MSRA: variants seen among roughly 807,000 people sequenced by gnomAD.
MSRA encodes mitochondrial peptide methionine sulfoxide reductase.
In MSRA, 54 loss-of-function variants were observed where a neutral mutation model predicts 31.3. The observed-to-expected ratio is 1.73, with a 90% CI of 1.39 to 2.17. The LOEUF (loss-of-function observed/expected upper bound fraction) is 2.17. MSRA is among the 30% of genes most tolerant of loss of function. MSRA has a pLI of 0.00. For synonymous variants in MSRA, 169 were observed against 116.5 expected, an observed-to-expected ratio of 1.45 and a Z score of -2.90; for missense variants, 507 against 300.9, an observed-to-expected ratio of 1.69 and a Z score of -5.07.
rs7834787 is a variant in MSRA at position 10,418,168 on chromosome 8, C to T, written c.544-9980C>T. 3.0e-3 allele frequency among the ~76,000 whole-genome samples: 463 copies of T among 152,276 alleles called. 3 individuals carry two copies. Among genetic ancestry groups the T allele is most frequent in the African/African-American group, 0.01 (431 of 41,538 alleles). On this transcript the variant is annotated intron_variant, in intron 5 of 5. Transcript: ENST00000317173. Reference sequence around the variant, plus strand: ...CACATATACGTTTTACAAATAATTACATGAAAACCTAACACTTAAGGCTAA... The same window carrying T: ...CACATATACGTTTTACAAATAATTATATGAAAACCTAACACTTAAGGCTAA...
intron 1 of MSRA, among the ~76,000 whole-genome samples, chr8:10,059,622 A>G (rs1802593342): frequency 6.6e-6 from 1 of 152,246 alleles, no homozygotes; most frequent in East Asian, 1.9e-4. Context: ...ATTAGATTAT[A>G]TCACAGTAAA....
At chr8:10,149,316 T>C (rs991187330) in intron 1 of MSRA, among the ~76,000 whole-genome samples, 5 of 152,014 alleles carry the variant, frequency 3.3e-5, no homozygotes, top group African/African-American at 1.2e-4. Flanking sequence ...AGAGATGGGG[T>C]TTCACTGTGT....
chr8:10,213,277 A>C (rs1013205327), intron 2 of MSRA, among the ~76,000 whole-genome samples: 1 of 152,024 alleles, frequency 6.6e-6, no homozygotes, highest in African/African-American at 2.4e-5. Flanking sequence ...AGATCCCACA[A>C]ATAAGTGAGA....
chr8:10,301,410 C>A (rs986534687), intron 3 of MSRA, 124 bp from the exon 4 acceptor site: 1 of 680,242 alleles, frequency 1.5e-6, no homozygotes, highest in Non-Finnish European at 2.5e-6. Flanking sequence ...GTCTAATCCT[C>A]CTTCCATTCT....
chr8:10,195,809 C>A (rs1807921850), intron 1 of MSRA, among the ~76,000 whole-genome samples: 2 of 152,240 alleles, frequency 1.3e-5, no homozygotes, highest in Admixed American at 1.3e-4. Context: ...ACAGTTCATG[C>A]TCCATTTTTG....
chr8:10,159,639 C>A (rs888342908), intron 1 of MSRA, among the ~76,000 whole-genome samples: 11 of 146,302 alleles, frequency 7.5e-5, no homozygotes, highest in Non-Finnish European at 1.6e-4. Context: ...ACAAGGCTTT[C>A]TAGTAAAGTA....
chr8:10,187,274 G>T (rs1807137978), intron 1 of MSRA, among the ~76,000 whole-genome samples: 1 of 152,164 alleles, frequency 6.6e-6, no homozygotes, highest in Non-Finnish European at 1.5e-5. Context: ...TGTCTTGAAG[G>T]GTTTCCTTTT....
At chr8:10,147,385 GAGGCCTCAGA>G in intron 1 of MSRA, among the ~76,000 whole-genome samples, 1 of 152,280 alleles carries the variant, frequency 6.6e-6, no homozygotes, top group Non-Finnish European at 1.5e-5. Flanking sequence ...CTGTTGGCAG[GAGGCCTCAGA>G]CCTTCACCAC....
intron 2 of MSRA, among the ~76,000 whole-genome samples, chr8:10,211,498 G>A (rs1435307102): frequency 2.0e-5 from 3 of 152,148 alleles, no homozygotes; most frequent in African/African-American, 7.2e-5. Flanking sequence ...TTTCAAGTCA[G>A]TGGGAGCCCT....
chr8:10,066,391 C>T (rs945094367), intron 1 of MSRA, among the ~76,000 whole-genome samples: 2 of 152,292 alleles, frequency 1.3e-5, no homozygotes, highest in African/African-American at 2.4e-5. Flanking sequence ...AAGCATTCTC[C>T]AAAACCTTTC....
intron 1 of MSRA, among the ~76,000 whole-genome samples, chr8:10,170,708 C>T (rs1805519945): frequency 6.6e-6 from 1 of 152,150 alleles, no homozygotes; most frequent in Non-Finnish European, 1.5e-5. Context: ...CATTTTATGT[C>T]AGGGACTTGG....
intron 5 of MSRA, among the ~76,000 whole-genome samples, chr8:10,374,028 C>A (rs1401130911): frequency 6.6e-6 from 1 of 152,206 alleles, no homozygotes; most frequent in Non-Finnish European, 1.5e-5. Flanking sequence ...ACACCCAGTT[C>A]CTGGCTTCCA....
At chr8:10,108,110 C>G (rs1019131037) in intron 1 of MSRA, among the ~76,000 whole-genome samples, 1 of 152,188 alleles carries the variant, frequency 6.6e-6, no homozygotes, top group African/African-American at 2.4e-5. Flanking sequence ...TTAGCCCAGA[C>G]TTCTGCAAGT....
At chr8:10,079,827 G>A (rs1268055800) in intron 1 of MSRA, among the ~76,000 whole-genome samples, 2 of 152,080 alleles carry the variant, frequency 1.3e-5, no homozygotes, top group African/African-American at 2.4e-5. Flanking sequence ...AGGAATTCTC[G>A]GTTTTGGCTT....
At chr8:10,078,701 C>T (rs1329688117) in intron 1 of MSRA, among the ~76,000 whole-genome samples, 1 of 152,254 alleles carries the variant, frequency 6.6e-6, no homozygotes. Flanking sequence ...TCCCAAGCTC[C>T]TTAGCTATAA....
At chr8:10,242,270 C>CA (rs11368200) in intron 2 of MSRA, among the ~76,000 whole-genome samples, 8,607 of 138,816 alleles carry the variant, frequency 0.062, 287 homozygotes, top group South Asian at 0.092. Flanking sequence ...GACTCCATCT[C>CA]AAAAAAAAAA....
chr8:10,153,483 A>G (rs1342510868), intron 1 of MSRA, among the ~76,000 whole-genome samples: 1 of 150,762 alleles, frequency 6.6e-6, no homozygotes, highest in African/African-American at 2.4e-5. Flanking sequence ...GAATGCTCAC[A>G]CCAGCGTCTT....
At chr8:10,393,207 A>G (rs1344592948) in intron 5 of MSRA, among the ~76,000 whole-genome samples, 1 of 151,946 alleles carries the variant, frequency 6.6e-6, no homozygotes, top group African/African-American at 2.4e-5. Flanking sequence ...CCGTGTTTCT[A>G]TTCAGTGTAA....
chr8:10,310,735 TC>T (rs1473431755), intron 4 of MSRA, among the ~76,000 whole-genome samples: 2 of 152,244 alleles, frequency 1.3e-5, no homozygotes, highest in Admixed American at 6.5e-5. Flanking sequence ...GAGGTGGAAT[TC>T]GGACTTCAGG....
Sources: allele counts gnomAD v4.1 joint callset (sites outside exome capture counted in the v4.1 genomes callset), GRCh38; gene constraint gnomAD v4.1.1; transcripts MANE v1.5; gene names NCBI Gene and HGNC (gene_info 2026-07-23, HGNC 2026-07-21).